Variants in KLHDC4 observed in about 807,000 individuals in gnomAD.
KLHDC4 encodes kelch domain-containing protein 4.
Under a neutral mutation model 62.4 loss-of-function variants are expected in KLHDC4, and 90 were observed. The observed-to-expected ratio is 1.44, with a 90% CI of 1.22 to 1.72. The LOEUF (loss-of-function observed/expected upper bound fraction) is 1.72. KLHDC4 is among the 40% of genes most tolerant of loss of function. The pLI, the probability that KLHDC4 is intolerant of heterozygous loss-of-function variation, is 0.00. For missense variants in KLHDC4, 1,025 were observed against 699.7 expected (o/e 1.47, Z -5.25); for synonymous variants, 386 against 284.4 (o/e 1.36, Z -3.59).
chr16:87,732,050 G>C (rs1269788890), intron 5 of KLHDC4, among the ~76,000 whole-genome samples: 2 of 152,066 alleles, frequency 1.3e-5, no homozygotes, highest in South Asian at 2.1e-4. Context: ...GGGGTGACAA[G>C]GGCCTACATC....
At chr16:87,725,243 G>A (rs1597510135) in intron 7 of KLHDC4, among the ~76,000 whole-genome samples, 1 of 152,168 alleles carries the variant, frequency 6.6e-6, no homozygotes, top group Non-Finnish European at 1.5e-5. Context: ...CACGGTGCCC[G>A]CACTTGTAAA....
chr16:87,760,047 T>C (rs1282410060), intron 2 of KLHDC4, among the ~76,000 whole-genome samples: 1 of 151,836 alleles, frequency 6.6e-6, no homozygotes, highest in Non-Finnish European at 1.5e-5. Context: ...AGTAATATGA[T>C]TAAGAAATAG....
chr16:87,701,036 T>C, exon 1 of KLHDC4: 1 of 209,060 alleles, frequency 4.8e-6, no homozygotes, highest in Non-Finnish European at 9.8e-6. Context: ...GGCTCAGCCT[T>C]CAAAACAAGC....
Position 87,748,624 on chromosome 16 carries a change from A to G in KLHDC4, c.506+49T>C, listed in dbSNP as rs1049450869. On this transcript the variant is annotated intron_variant, in intron 5 of 11. Coordinates refer to ENST00000270583, the MANE Select transcript of KLHDC4 (RefSeq NM_017566.4). ...TCCGAGCACTCGGGCTCAGCACACAAGCACAGAAGAGCCATGCCCGGAGCT... is the reference window on the plus strand; with the variant it reads ...TCCGAGCACTCGGGCTCAGCACACAGGCACAGAAGAGCCATGCCCGGAGCT... The G allele has an allele frequency of 1.9e-6, 3 of 1,610,494 alleles. No homozygotes were observed. In the African/African-American group the frequency reaches 4.0e-5, roughly 22 times the overall value.
At chr16:87,748,311 T>A (rs932516195) in intron 5 of KLHDC4, among the ~76,000 whole-genome samples, 1 of 152,208 alleles carries the variant, frequency 6.6e-6, no homozygotes, top group African/African-American at 2.4e-5. Context: ...TTTTAGTCAA[T>A]GACACATCGC....
intron 6 of KLHDC4, among the ~76,000 whole-genome samples, chr16:87,728,419 A>G (rs776251715): frequency 3.9e-5 from 6 of 152,174 alleles, no homozygotes; most frequent in Admixed American, 1.3e-4. Flanking sequence ...TATTTTCTCT[A>G]TAAATGCAGA....
chr16:87,701,731 C>A (rs1362808663), intron 14 of KLHDC4: 1 of 456,804 alleles, frequency 2.2e-6, no homozygotes, highest in East Asian at 7.0e-5. Flanking sequence ...GCCACCTGCT[C>A]AGGCCTATGC....
At chr16:87,720,539 G>A (rs59543792) in intron 7 of KLHDC4, among the ~76,000 whole-genome samples, 4,220 of 118,264 alleles carry the variant, frequency 0.036, 195 homozygotes, top group African/African-American at 0.14. Flanking sequence ...CCCCTGCGGA[G>A]ACGCCGCGCC....
intron 3 of KLHDC4, 60 bp from the exon 4 acceptor site, chr16:87,755,352 G>T (rs1016382637): frequency 7.8e-6 from 7 of 900,526 alleles, no homozygotes; most frequent in Non-Finnish European, 1.3e-5. Context: ...GAAGTGGTGA[G>T]AACAATCTTA....
intron 5 of KLHDC4, among the ~76,000 whole-genome samples, chr16:87,738,177 C>G (rs2041663975): frequency 6.6e-6 from 1 of 152,186 alleles, no homozygotes; most frequent in African/African-American, 2.4e-5. Context: ...AGGCCAGTCA[C>G]TGTTAGCTAA....
At chr16:87,763,135 T>C (rs890415542) in intron 1 of KLHDC4, among the ~76,000 whole-genome samples, 1 of 152,342 alleles carries the variant, frequency 6.6e-6, no homozygotes, top group East Asian at 1.9e-4. Flanking sequence ...AAGACATTCC[T>C]GTATACGGTT....
At position 87,716,796 on chromosome 16, in the gene KLHDC4, G is replaced by C. The variant is rs572585650; in HGVS notation, c.760-2223C>G. The stretch of plus-strand genomic sequence containing the variant: ...AATACAAAAAAATTAGCCAGGCACA[G>C]TGGCAGGCGCCTGTAGTCCCAGCTA... On this transcript the variant is annotated intron_variant, in intron 7 of 11. Coordinates refer to ENST00000270583, the MANE Select transcript of KLHDC4 (RefSeq NM_017566.4). Among the ~76,000 whole-genome samples the C allele has an allele frequency of 6.4e-4, 98 of 152,308 alleles. 2 individuals are homozygous for C. Among genetic ancestry groups the C allele is most frequent in the Non-Finnish European group, 1.3e-4 (9 of 68,026 alleles).
intron 6 of KLHDC4, among the ~76,000 whole-genome samples, chr16:87,728,306 G>T (rs923335324): frequency 2.6e-5 from 4 of 152,236 alleles, no homozygotes; most frequent in Admixed American, 2.0e-4. Flanking sequence ...ATGTGGAAGC[G>T]TGTAATCTTT....
intron 8 of KLHDC4, among the ~76,000 whole-genome samples, chr16:87,712,677 G>A (rs1567666026): frequency 6.6e-6 from 1 of 152,270 alleles, no homozygotes; most frequent in Non-Finnish European, 1.5e-5. Context: ...AGGCACCTGG[G>A]CCTTTTGACA....
chr16:87,699,192 TTA>T (rs1252655719), exon 1 of KLHDC4: 1 of 152,282 alleles, frequency 6.6e-6, no homozygotes, highest in Non-Finnish European at 1.5e-5. Flanking sequence ...CTGGCCTGTT[TTA>T]CTTACCAGCC....
intron 6 of KLHDC4, among the ~76,000 whole-genome samples, chr16:87,730,303 T>TA (rs1446143395): frequency 1.3e-5 from 2 of 152,224 alleles, no homozygotes; most frequent in Non-Finnish European, 1.5e-5. Flanking sequence ...GGACCTGGTG[T>TA]AAAATTAAAA....
chr16:87,758,901 CG>C (rs35999779), intron 2 of KLHDC4, among the ~76,000 whole-genome samples: 43,974 of 151,980 alleles, frequency 0.29, 6,800 homozygotes, highest in African/African-American at 0.4. Context: ...TTTGGCCAGG[CG>C]CATTGGCTCA....
intron 7 of KLHDC4, among the ~76,000 whole-genome samples, chr16:87,722,922 G>A (rs1468905895): frequency 6.6e-6 from 1 of 152,236 alleles, no homozygotes; most frequent in Non-Finnish European, 1.5e-5. Context: ...GTGGCGGGTG[G>A]CAGGACCTCC....
chr16:87,763,955 A>G (rs2046245412), intron 1 of KLHDC4, among the ~76,000 whole-genome samples: 1 of 152,196 alleles, frequency 6.6e-6, no homozygotes, highest in Non-Finnish European at 1.5e-5. Context: ...AGACACTAAA[A>G]GACACTGTGG....
Sources: gnomAD v4.1 joint callset for allele counts (sites outside exome capture counted in the v4.1 genomes callset) on GRCh38, gnomAD v4.1.1 for gene constraint, MANE v1.5 for transcripts, NCBI Gene and HGNC (gene_info 2026-07-23, HGNC 2026-07-21) for gene names.